The following UPP2 variants were observed in gnomAD, a reference collection of about 807,000 sequenced individuals.
UPP2 encodes the protein UPase 2.
In UPP2, 23 loss-of-function variants were observed where a neutral mutation model predicts 26.7. That is an observed-to-expected ratio of 0.86 (90% confidence interval 0.62 to 1.22). The LOEUF (loss-of-function observed/expected upper bound fraction) is 1.22. Ranked by LOEUF, UPP2 falls within the 50% of genes most tolerant of loss-of-function variation. UPP2 has a pLI of 0.00. For synonymous variants in UPP2, 127 were observed against 141.3 expected (o/e 0.90, Z 0.72); for missense variants, 387 against 396.7 (o/e 0.98, Z 0.21).
chr2:158,020,400 G>A (rs1683730874), intron 3 of UPP2, among the ~76,000 whole-genome samples: 1 of 152,342 alleles, frequency 6.6e-6, no homozygotes, highest in African/African-American at 2.4e-5. Flanking sequence ...CAGGACAAGT[G>A]CGGACATGAT....
At chr2:158,080,032 C>G (rs143633266) in intron 3 of UPP2, among the ~76,000 whole-genome samples, 73 of 152,154 alleles carry the variant, frequency 4.8e-4, no homozygotes, top group Middle Eastern at 6.8e-3. Flanking sequence ...GGTCTTAGCC[C>G]CTTGACTCTC....
chr2:158,078,634 A>G (rs1004867442), intron 3 of UPP2, among the ~76,000 whole-genome samples: 2 of 152,124 alleles, frequency 1.3e-5, no homozygotes, highest in African/African-American at 4.8e-5. Context: ...GGCTGGGAAG[A>G]GTAGCAGGGG....
intron 2 of UPP2, among the ~76,000 whole-genome samples, chr2:158,002,491 G>A (rs549369024): frequency 6.6e-6 from 1 of 152,356 alleles, no homozygotes; most frequent in South Asian, 2.1e-4. Context: ...GCCAAGGTAA[G>A]AGGAAAAGAA....
chr2:158,033,854 T>A (rs1267343708), intron 3 of UPP2, among the ~76,000 whole-genome samples: 3 of 152,162 alleles, frequency 2.0e-5, no homozygotes, highest in Admixed American at 1.3e-4. Flanking sequence ...TGAAATTAGT[T>A]TATTTGCTTA....
chr2:158,051,155 A>ATG (rs1553465507), intron 3 of UPP2, among the ~76,000 whole-genome samples: 1 of 94,184 alleles, frequency 1.1e-5, no homozygotes, highest in South Asian at 3.4e-4. Flanking sequence ...CACTCTAGGA[A>ATG]TATGTGTGTG....
At chr2:158,026,334 T>C (rs1360025572) in intron 3 of UPP2, among the ~76,000 whole-genome samples, 2 of 152,048 alleles carry the variant, frequency 1.3e-5, no homozygotes, top group Non-Finnish European at 2.9e-5. Flanking sequence ...AGTAGGACAG[T>C]GTGGGGCCCA....
At chr2:158,106,330 G>A (rs1288002355) in intron 2 of UPP2, 114 bp downstream of exon 2, 2 of 784,750 alleles carry the variant, frequency 2.5e-6, no homozygotes, top group Non-Finnish European at 2.1e-6. Context: ...AATAGGAACT[G>A]AAGTCACACT....
chr2:158,086,640 T>C (rs748697928), intron 3 of UPP2, among the ~76,000 whole-genome samples: 3 of 152,118 alleles, frequency 2.0e-5, no homozygotes, highest in Non-Finnish European at 4.4e-5. Context: ...CTATGAACTT[T>C]CTTCTTATCA....
intron 3 of UPP2, among the ~76,000 whole-genome samples, chr2:158,115,579 G>C (rs779225784): frequency 3.9e-5 from 6 of 152,064 alleles, no homozygotes; most frequent in Non-Finnish European, 8.8e-5. Context: ...CCCTTACCCA[G>C]CTTTGGGAAT....
At chr2:158,134,315 C>A (rs1024740995) in intron 6 of UPP2, among the ~76,000 whole-genome samples, 3 of 152,184 alleles carry the variant, frequency 2.0e-5, no homozygotes, top group Non-Finnish European at 4.4e-5. Flanking sequence ...GCAAACTCAA[C>A]CATTGCACCA....
intron 2 of UPP2, among the ~76,000 whole-genome samples, chr2:157,998,895 C>A (rs1291816293): frequency 6.6e-6 from 1 of 152,122 alleles, no homozygotes; most frequent in Non-Finnish European, 1.5e-5. Context: ...GAAATTTCAG[C>A]CATATTTCTT....
intron 1 of UPP2, among the ~76,000 whole-genome samples, chr2:158,104,972 GA>G (rs1447959779): frequency 4.9e-5 from 3 of 60,738 alleles, no homozygotes; most frequent in African/African-American, 2.1e-4. Context: ...GAAGGGAAGG[GA>G]AGGGAAGAGA....
At chr2:158,070,958 C>T (rs1244010934) in intron 3 of UPP2, among the ~76,000 whole-genome samples, 1 of 152,188 alleles carries the variant, frequency 6.6e-6, no homozygotes, top group African/African-American at 2.4e-5. Flanking sequence ...CAGCCATTGC[C>T]TGCCCACAGA....
At position 158,120,262 on chromosome 2, in the gene UPP2, T is replaced by C. The variant is rs112290480; in HGVS notation, c.455-1147T>C. Among the ~76,000 whole-genome samples the C allele has an allele frequency of 3.9e-3, 593 of 152,172 alleles. 7 individuals are homozygous for C. Among genetic ancestry groups the C allele is most frequent in the African/African-American group, 0.013 (554 of 41,550 alleles). On this transcript the variant is annotated intron_variant, in intron 4 of 6. Coordinates refer to ENST00000005756, the MANE Select transcript of UPP2 (RefSeq NM_173355.4). Reference sequence around the variant, plus strand: ...GGATTTGCTGACTGTGTGATTTCTATTGCAACTTCTCAACTCTGCCTCTAG... The same window carrying C: ...GGATTTGCTGACTGTGTGATTTCTACTGCAACTTCTCAACTCTGCCTCTAG...
intron 3 of UPP2, among the ~76,000 whole-genome samples, chr2:158,017,339 T>C (rs372102794): frequency 2.6e-5 from 4 of 152,254 alleles, no homozygotes; most frequent in Non-Finnish European, 4.4e-5. Flanking sequence ...TTGTGAATAA[T>C]AGAACAACAT....
chr2:158,071,907 C>T (rs1021134669), intron 3 of UPP2, among the ~76,000 whole-genome samples: 3 of 151,986 alleles, frequency 2.0e-5, no homozygotes, highest in South Asian at 2.1e-4. Flanking sequence ...CCAGCTGCAG[C>T]GACTACTATG....
chr2:158,046,871 C>A (rs1029359403), intron 3 of UPP2, among the ~76,000 whole-genome samples: 5 of 152,084 alleles, frequency 3.3e-5, no homozygotes, highest in African/African-American at 1.2e-4. Context: ...CTTTCTCATG[C>A]AGAATTTTAT....
chr2:158,069,059 C>T (rs1007317260), intron 3 of UPP2, among the ~76,000 whole-genome samples: 3 of 151,460 alleles, frequency 2.0e-5, no homozygotes, highest in Non-Finnish European at 2.9e-5. Flanking sequence ...GATCCGCCCA[C>T]CTCGGCCTCC....
At chr2:158,020,350 G>C (rs1409382779) in intron 3 of UPP2, among the ~76,000 whole-genome samples, 1 of 152,228 alleles carries the variant, frequency 6.6e-6, no homozygotes, top group Non-Finnish European at 1.5e-5. Context: ...GGATCTCTCA[G>C]CTGAGGGCCC....
Sources: gnomAD v4.1 joint callset for allele counts (sites outside exome capture counted in the v4.1 genomes callset) on GRCh38, gnomAD v4.1.1 for gene constraint, MANE v1.5 for transcripts, NCBI Gene and HGNC (gene_info 2026-07-23, HGNC 2026-07-21) for gene names.